COL11A1: variants seen among roughly 807,000 people sequenced by gnomAD.
COL11A1 encodes collagen type XI alpha 1 chain.
COL11A1 carries 74 observed loss-of-function variants against 265.2 expected under a neutral mutation model. That is an observed-to-expected ratio of 0.28 (90% confidence interval 0.23 to 0.34). COL11A1 has a LOEUF of 0.34. Ranked by LOEUF, COL11A1 falls within the 10% of genes least tolerant of loss-of-function variation. The pLI, the probability that COL11A1 is intolerant of heterozygous loss-of-function variation, is 1.00. For synonymous variants in COL11A1, 816 were observed against 727.6 expected (o/e 1.12, Z -1.96); for missense variants, 2,165 against 2,263.6 (o/e 0.96, Z 0.88).
chr1:103,058,993 T>G (rs972142560), intron 4 of COL11A1, among the ~76,000 whole-genome samples: 6 of 152,146 alleles, frequency 3.9e-5, no homozygotes, highest in African/African-American at 1.4e-4. Flanking sequence ...TTGTGAGAAT[T>G]ATTGAAATGT....
chr1:102,903,341 AG>A (rs1316244713), intron 54 of COL11A1, among the ~76,000 whole-genome samples: 1 of 152,178 alleles, frequency 6.6e-6, no homozygotes, highest in African/African-American at 2.4e-5. Context: ...ATATTCTGTT[AG>A]GAAGTTTTAT....
intron 54 of COL11A1, among the ~76,000 whole-genome samples, chr1:102,901,842 C>T (rs1557794411): frequency 1.3e-5 from 2 of 152,106 alleles, no homozygotes; most frequent in Non-Finnish European, 2.9e-5. Flanking sequence ...CCACTCATGT[C>T]ACAAACATTT....
Position 102,917,263 on chromosome 1 carries a change from CT to C in COL11A1, c.3763-1580del, listed in dbSNP as rs1048096656. Among the ~76,000 whole-genome samples, 71 of 151,998 alleles carry C rather than the reference CT, an allele frequency of 4.7e-4. 1 individual carries two copies. Among genetic ancestry groups the C allele is most frequent in the African/African-American group, 1.7e-3 (70 of 41,542 alleles). ...AAGATCCTCTTTTCAATAAATGGTG[CT>C]GAGAAATCTGATTTGCCTTAAGCAG... On this transcript the variant is annotated intron_variant, in intron 49 of 66. Transcript: ENST00000370096.
At chr1:102,892,330 T>C (rs1651877887) in intron 57 of COL11A1, among the ~76,000 whole-genome samples, 1 of 152,160 alleles carries the variant, frequency 6.6e-6, no homozygotes. Flanking sequence ...GAGTAATATT[T>C]TCCTCTATCT....
At chr1:103,065,929 A>C (rs996878001) in intron 4 of COL11A1, among the ~76,000 whole-genome samples, 1 of 152,196 alleles carries the variant, frequency 6.6e-6, no homozygotes, top group Non-Finnish European at 1.5e-5. Flanking sequence ...CATCAAGTAC[A>C]TGATAACAAC....
chr1:103,005,164 T>A (rs1329467734), intron 18 of COL11A1, among the ~76,000 whole-genome samples: 1 of 152,110 alleles, frequency 6.6e-6, no homozygotes, highest in Non-Finnish European at 1.5e-5. Context: ...CTGTCAGACA[T>A]TCATAGGGTT....
In COL11A1 at chr1:103,041,824, A is replaced by T. The variant is rs371631466; in HGVS notation, c.652-10580T>A. Among the ~76,000 whole-genome samples, 127 of 152,154 alleles carry T rather than the reference A, an allele frequency of 8.3e-4. 2 individuals carry two copies. In the South Asian group the frequency reaches 0.024, roughly 29 times the overall value. ...ACAGTAAACGATGGAAGGCTTGCTC[A>T]AAATTGAAAGCGAGAATTCCCTACT... On this transcript the variant is annotated intron_variant, in intron 4 of 66. Transcript: ENST00000370096.
chr1:103,102,273 G>T (rs1241322724), intron 1 of COL11A1, among the ~76,000 whole-genome samples: 1 of 152,040 alleles, frequency 6.6e-6, no homozygotes, highest in African/African-American at 2.4e-5. Context: ...AATTGCAAGA[G>T]AATTTAGAAG....
At chr1:102,969,012 A>T (rs186506621) in intron 37 of COL11A1, among the ~76,000 whole-genome samples, 1 of 152,336 alleles carries the variant, frequency 6.6e-6, no homozygotes. Context: ...GAAAGATTTG[A>T]ATGATAATGC....
chr1:102,928,489 C>A (rs1656923940), intron 46 of COL11A1, among the ~76,000 whole-genome samples: 1 of 152,092 alleles, frequency 6.6e-6, no homozygotes. Context: ...TTTTATTAAT[C>A]CAGTCTATCA....
At chr1:102,932,379 TG>T (rs1390608809) in intron 46 of COL11A1, among the ~76,000 whole-genome samples, 2 of 152,228 alleles carry the variant, frequency 1.3e-5, no homozygotes, top group African/African-American at 4.8e-5. Flanking sequence ...TATGAAGTTC[TG>T]GGTTGAAAAT....
At chr1:103,097,927 T>G (rs1673917045) in intron 1 of COL11A1, among the ~76,000 whole-genome samples, 1 of 151,928 alleles carries the variant, frequency 6.6e-6, no homozygotes, top group Non-Finnish European at 1.5e-5. Context: ...CTGAACTTTT[T>G]TATATCATAA....
At chr1:102,978,469 T>G (rs1056368826) in intron 35 of COL11A1, among the ~76,000 whole-genome samples, 1 of 152,220 alleles carries the variant, frequency 6.6e-6, no homozygotes, top group East Asian at 1.9e-4. Context: ...ATAAGAGTGA[T>G]ATCTTAGTCC....
chr1:103,006,568 A>C (rs1298298333), intron 15 of COL11A1, among the ~76,000 whole-genome samples: 2 of 102,562 alleles, frequency 2.0e-5, no homozygotes, highest in African/African-American at 3.8e-5. Flanking sequence ...GACGGAGTCT[A>C]GCTCTGTCGC....
At chr1:103,087,153 A>G (rs2102347848) in intron 1 of COL11A1, among the ~76,000 whole-genome samples, 1 of 152,346 alleles carries the variant, frequency 6.6e-6, no homozygotes, top group Admixed American at 6.5e-5. Context: ...AAATGACCTT[A>G]ATATTTTAAT....
intron 56 of COL11A1, 68 bp from the exon 57 acceptor site, chr1:102,898,246 A>G: frequency 1.4e-6 from 1 of 733,820 alleles, no homozygotes; most frequent in Non-Finnish European, 1.9e-6. Context: ...ATTTATTTTA[A>G]ATTTTAGAAA....
At chr1:103,050,082 A>T (rs12123205) in intron 4 of COL11A1, among the ~76,000 whole-genome samples, 20,909 of 152,022 alleles carry the variant, frequency 0.14, 1,540 homozygotes, top group African/African-American at 0.15. Context: ...TGTTTCTTGG[A>T]GTTGCTCTTC....
intron 31 of COL11A1, 166 bp from the exon 32 acceptor site, chr1:102,979,601 A>G: frequency 1.4e-6 from 1 of 703,346 alleles, no homozygotes; most frequent in Non-Finnish European, 2.6e-6. Flanking sequence ...ACTTACAATG[A>G]CATCTGAAAT....
At chr1:103,081,046 T>C (rs1001064344) in intron 2 of COL11A1, among the ~76,000 whole-genome samples, 18 of 151,878 alleles carry the variant, frequency 1.2e-4, no homozygotes, top group African/African-American at 4.3e-4. Context: ...TTCCCATCCA[T>C]TGGCTGGGCT....
Sources: allele counts gnomAD v4.1 joint callset (sites outside exome capture counted in the v4.1 genomes callset), GRCh38; gene constraint gnomAD v4.1.1; transcripts MANE v1.5; gene names NCBI Gene and HGNC (gene_info 2026-07-23, HGNC 2026-07-21).